PDLIM5: variants seen among roughly 807,000 people sequenced by gnomAD.
PDLIM5 encodes the protein PDZ and LIM domain 5.
A neutral mutation model predicts 64.2 loss-of-function variants in PDLIM5; 34 were observed. That is an observed-to-expected ratio of 0.53 (90% confidence interval 0.40 to 0.71). PDLIM5 has a LOEUF of 0.71. PDLIM5 is among the 30% of genes least tolerant of loss of function. The probability of loss-of-function intolerance (pLI) is 0.00; values close to 1 mark genes in which losing one functional copy is unlikely to be tolerated. For missense variants in PDLIM5, 683 were observed against 733.6 expected, an observed-to-expected ratio of 0.93 and a Z score of 0.80; for synonymous variants, 253 against 269.1, an observed-to-expected ratio of 0.94 and a Z score of 0.59.
At position 94,455,254 on chromosome 4, in the gene PDLIM5, C is replaced by A. The variant is rs778317773; in HGVS notation, c.-35C>A. 2 of 1,237,232 alleles carry A rather than the reference C, an allele frequency of 1.6e-6. No individual in the cohort carries two copies. The highest frequency in any genetic ancestry group is 1.2e-6 in the Non-Finnish European group (1 of 842,374). 76.6% of individuals were successfully genotyped at this position (1,237,232 alleles called of 1,614,324 possible). On this transcript the variant is annotated 5_prime_UTR_variant, in exon 2 of 13. Transcript: ENST00000317968. ...TCTGATTTTCTTTCACAGCATATTT[C>A]ATTTTCTGTCATTGGACTTTGAGCC...
At chr4:94,481,718 T>C (rs955798733) in intron 2 of PDLIM5, among the ~76,000 whole-genome samples, 7 of 151,844 alleles carry the variant, frequency 4.6e-5, no homozygotes, top group East Asian at 3.9e-4. Context: ...ACGCCATTCT[T>C]CTGCCTCAGT....
chr4:94,459,870 C>G (rs1723719414), intron 2 of PDLIM5, among the ~76,000 whole-genome samples: 1 of 152,186 alleles, frequency 6.6e-6, no homozygotes, highest in Admixed American at 6.5e-5. Flanking sequence ...GAAGACTTTT[C>G]TTGCCATTGC....
At chr4:94,585,540 A>ATTTTTTTTTT in intron 5 of PDLIM5, 25 bp from the exon 6 acceptor site, 1 of 1,362,446 alleles carries the variant, frequency 7.3e-7, no homozygotes, top group Non-Finnish European at 9.8e-7. Context: ...ACAATTTTTA[A>ATTTTTTTTTT]TTTTTTTTTT....
At position 94,494,432 on chromosome 4, in the gene PDLIM5, G is replaced by GGTTTTTTTTTTTTTTTTTT. The variant is rs1553940971; in HGVS notation, c.97-29292_97-29291insGTTTTTTTTTTTTTTTTTT. ...AGCATTCACTAATTTTTTTTTTCTT[G>GGTTTTTTTTTTTTTTTTTT]TTTTTTTTTTTTTTTTTTTTTTTTG... On this transcript the variant is annotated intron_variant, in intron 2 of 12. Transcript: ENST00000317968. Among the ~76,000 whole-genome samples, 473 of 70,774 alleles carry GGTTTTTTTTTTTTTTTTTT rather than the reference G, an allele frequency of 6.7e-3. 103 individuals carry two copies. The highest frequency in any genetic ancestry group is 0.025 in the Middle Eastern group (2 of 80). 46.4% of individuals were successfully genotyped at this position (70,774 alleles called of 152,430 possible). A position where few individuals can be genotyped will look rare whatever the true frequency, so the allele number is the denominator to read the frequency against.
Position 94,663,995 on chromosome 4 carries a change from GGAAGGTCA to G in PDLIM5, c.1722_1729del (p.Glu574AspfsTer12). 1 of 1,604,174 alleles carries G rather than the reference GGAAGGTCA, an allele frequency of 6.2e-7. No individual in the cohort carries two copies. Among genetic ancestry groups the G allele is most frequent in the Non-Finnish European group, 8.5e-7 (1 of 1,172,818 alleles). ...TTTTTCAGGTGTGTTGTGAAAGTTT[GGAAGGTCA>G]GACCTTTTTCTCCAAGAAGGACAAG... is the stretch of plus-strand genomic sequence containing the variant. On this transcript the variant is annotated frameshift_variant, in exon 13 of 13. Coordinates refer to ENST00000317968, the MANE Select transcript of PDLIM5 (RefSeq NM_006457.5). LOFTEE classifies it high-confidence loss of function.
At chr4:94,508,978 A>G (rs1175003303) in intron 2 of PDLIM5, among the ~76,000 whole-genome samples, 4 of 152,120 alleles carry the variant, frequency 2.6e-5, no homozygotes, top group Non-Finnish European at 5.9e-5. Context: ...CTTGCAGTAC[A>G]TACTTCTTTC....
chr4:94,542,562 A>T (rs1303316514), intron 3 of PDLIM5, among the ~76,000 whole-genome samples: 1 of 152,164 alleles, frequency 6.6e-6, no homozygotes, highest in East Asian at 1.9e-4. Context: ...AGTAGATTCT[A>T]TGGACTGCTC....
chr4:94,662,365 A>G, intron 11 of PDLIM5, 57 bp from the exon 12 acceptor site: 1 of 805,086 alleles, frequency 1.2e-6, no homozygotes, highest in Non-Finnish European at 2.1e-6. Flanking sequence ...TCTAGGAACG[A>G]TCATTCTAAA....
At chr4:94,608,222 GTGAA>G in intron 7 of PDLIM5, 1 of 1,407,334 alleles carries the variant, frequency 7.1e-7, no homozygotes, top group Non-Finnish European at 9.6e-7. Context: ...AAAGCTGGTA[GTGAA>G]TTTAAATATA....
intron 5 of PDLIM5, chr4:94,577,473 A>G (rs942404509): frequency 5.0e-6 from 2 of 396,636 alleles, no homozygotes; most frequent in Admixed American, 3.5e-5. Flanking sequence ...TCTGATATAT[A>G]TATATATATA....
Position 94,654,539 on chromosome 4 carries a change from T to G in PDLIM5, c.1363T>G (p.Tyr455Asp). The G allele has an allele frequency of 6.2e-7, 1 of 1,609,566 alleles. No homozygotes were observed. Among genetic ancestry groups the G allele is most frequent in the Non-Finnish European group, 8.5e-7 (1 of 1,175,856 alleles). ...CGCTCACTGCAAAAATACAATGGCC[T>G]ACATTGGATTTGTAGAGGAGAAAGG... ...NCAHCKNTMA[Y>D]IGFVEEKGAL... Residue 455 changes from tyrosine to aspartate, a missense_variant, in exon 10 of 13, where the codon TAC becomes GAC. Physicochemically the swap from Tyr to Asp is radical, Grantham distance 160. Transcript: ENST00000317968.
chr4:94,491,836 A>C (rs908535699), intron 2 of PDLIM5, among the ~76,000 whole-genome samples: 2 of 152,120 alleles, frequency 1.3e-5, no homozygotes, highest in African/African-American at 4.8e-5. Flanking sequence ...ATATGTAAAC[A>C]ATGTGGAATG....
intron 3 of PDLIM5, among the ~76,000 whole-genome samples, chr4:94,561,810 G>A (rs894566728): frequency 9.9e-5 from 15 of 152,264 alleles, no homozygotes; most frequent in Middle Eastern, 3.4e-3. Context: ...ACCAAAGAGG[G>A]GAAATCTCTC....
At chr4:94,532,265 C>T (rs929528122) in intron 3 of PDLIM5, among the ~76,000 whole-genome samples, 1 of 152,096 alleles carries the variant, frequency 6.6e-6, no homozygotes, top group East Asian at 1.9e-4. Flanking sequence ...TCCTTTAGAC[C>T]ATCATTATGA....
At chr4:94,629,146 T>A (rs1739935431) in intron 8 of PDLIM5, among the ~76,000 whole-genome samples, 1 of 152,132 alleles carries the variant, frequency 6.6e-6, no homozygotes, top group African/African-American at 2.4e-5. Context: ...GTCAGGAGAT[T>A]GAGACCATCC....
chr4:94,545,783 G>T (rs969915159), intron 3 of PDLIM5, among the ~76,000 whole-genome samples: 1 of 152,140 alleles, frequency 6.6e-6, no homozygotes, highest in Non-Finnish European at 1.5e-5. Context: ...TTTCACACTT[G>T]TGTAAGCCTA....
intron 2 of PDLIM5, among the ~76,000 whole-genome samples, chr4:94,509,820 T>C (rs549795034): frequency 2.0e-3 from 309 of 152,310 alleles, no homozygotes; most frequent in Non-Finnish European, 3.4e-3. Flanking sequence ...CTTTATATTC[T>C]AGCCATGTTG....
At chr4:94,649,367 C>T (rs930163614) in intron 9 of PDLIM5, among the ~76,000 whole-genome samples, 1 of 152,118 alleles carries the variant, frequency 6.6e-6, no homozygotes, top group African/African-American at 2.4e-5. Context: ...CAGGTTCTAC[C>T]CACACTCATG....
chr4:94,585,498 TAG>T, intron 5 of PDLIM5, 65 bp from the exon 6 acceptor site: 2 of 863,122 alleles, frequency 2.3e-6, no homozygotes, highest in Non-Finnish European at 3.3e-6. Context: ...AATAATTTAG[TAG>T]AAGATATTTT....
Sources: allele counts gnomAD v4.1 joint callset (sites outside exome capture counted in the v4.1 genomes callset), GRCh38; gene constraint gnomAD v4.1.1; transcripts MANE v1.5; gene names NCBI Gene and HGNC (gene_info 2026-07-23, HGNC 2026-07-21).